The following ARHGAP22 variants were observed in gnomAD, a reference collection of about 807,000 sequenced individuals.
ARHGAP22 encodes rho GTPase-activating protein 22.
Under a neutral mutation model 59.1 loss-of-function variants are expected in ARHGAP22, and 48 were observed. That is an observed-to-expected ratio of 0.81 (90% confidence interval 0.64 to 1.03). The LOEUF (loss-of-function observed/expected upper bound fraction) is 1.03. ARHGAP22 is among the 50% of genes least tolerant of loss of function. The probability of loss-of-function intolerance (pLI) is 0.00; values close to 1 mark genes in which losing one functional copy is unlikely to be tolerated. For synonymous variants in ARHGAP22, 445 were observed against 416.4 expected (o/e 1.07, Z -0.84); for missense variants, 1,015 against 958.7 (o/e 1.06, Z -0.78).
intron 3 of ARHGAP22, among the ~76,000 whole-genome samples, chr10:48,508,716 A>G (rs2052426468): frequency 6.6e-6 from 1 of 152,256 alleles, no homozygotes; most frequent in Non-Finnish European, 1.5e-5. Flanking sequence ...CCAGCCAGGC[A>G]GCTGTGTGAG....
At chr10:48,490,855 C>T (rs1257878929) in intron 3 of ARHGAP22, among the ~76,000 whole-genome samples, 4 of 152,224 alleles carry the variant, frequency 2.6e-5, no homozygotes, top group African/African-American at 7.2e-5. Context: ...GTGAGGGCAA[C>T]TCCATCTTCT....
intron 3 of ARHGAP22, among the ~76,000 whole-genome samples, chr10:48,495,758 G>A (rs1031470171): frequency 3.3e-5 from 5 of 152,234 alleles, no homozygotes; most frequent in African/African-American, 1.2e-4. Flanking sequence ...TCTGAGATTA[G>A]GTCACAAAGA....
At chr10:48,483,789 AAC>A (rs1182484984) in intron 3 of ARHGAP22, among the ~76,000 whole-genome samples, 1 of 152,124 alleles carries the variant, frequency 6.6e-6, no homozygotes, top group Non-Finnish European at 1.5e-5. Context: ...TTGTCAGATG[AAC>A]AGTTTGCAAA....
intron 1 of ARHGAP22, among the ~76,000 whole-genome samples, chr10:48,643,763 AAAT>A (rs1049295813): frequency 4.0e-4 from 56 of 140,776 alleles, no homozygotes; most frequent in African/African-American, 1.4e-3. Context: ...AAAAAAAAAA[AAAT>A]ATATATATAT....
chr10:48,466,294 G>C (rs1248054775), intron 4 of ARHGAP22, among the ~76,000 whole-genome samples: 2 of 151,498 alleles, frequency 1.3e-5, no homozygotes, highest in Non-Finnish European at 2.9e-5. Flanking sequence ...CTAAGTCCTC[G>C]TCTCTACATG....
At chr10:48,533,750 A>C (rs2055086227) in intron 3 of ARHGAP22, among the ~76,000 whole-genome samples, 1 of 152,264 alleles carries the variant, frequency 6.6e-6, no homozygotes, top group Non-Finnish European at 1.5e-5. Flanking sequence ...CTTTATGTAC[A>C]ATAGCAGGTG....
chr10:48,592,202 T>C (rs2059800604), intron 1 of ARHGAP22, among the ~76,000 whole-genome samples: 1 of 152,186 alleles, frequency 6.6e-6, no homozygotes, highest in Non-Finnish European at 1.5e-5. Context: ...CTCTCTCTTT[T>C]AGACAGAGTC....
At chr10:48,523,880 C>T (rs958668960) in intron 3 of ARHGAP22, among the ~76,000 whole-genome samples, 3 of 152,038 alleles carry the variant, frequency 2.0e-5, no homozygotes, top group Admixed American at 6.5e-5. Flanking sequence ...TGAAGGGGAG[C>T]CTCCCCTTCC....
chr10:48,451,297 C>A, intron 8 of ARHGAP22, 157 bp from the exon 9 acceptor site: 1 of 1,010,868 alleles, frequency 9.9e-7, no homozygotes, highest in South Asian at 1.4e-5. Flanking sequence ...GAGGAAAGGA[C>A]CACACACCCT....
At chr10:48,502,590 C>T (rs2051639756) in intron 3 of ARHGAP22, among the ~76,000 whole-genome samples, 1 of 152,162 alleles carries the variant, frequency 6.6e-6, no homozygotes, top group Non-Finnish European at 1.5e-5. Flanking sequence ...CAGGAAGCAC[C>T]ACATTCTTCA....
At chr10:48,474,259 T>C (rs2048495892) in intron 4 of ARHGAP22, among the ~76,000 whole-genome samples, 1 of 152,244 alleles carries the variant, frequency 6.6e-6, no homozygotes, top group Admixed American at 6.5e-5. Context: ...TGTTCATGGC[T>C]ACTGTACACA....
intron 3 of ARHGAP22, among the ~76,000 whole-genome samples, chr10:48,499,010 G>C (rs1246347832): frequency 1.3e-5 from 2 of 152,072 alleles, no homozygotes; most frequent in African/African-American, 2.4e-5. Flanking sequence ...CCTCTCCATG[G>C]AAGGGGCGTG....
rs1022840194 is a variant in ARHGAP22 at position 48,450,748 on chromosome 10, G to A, written c.1381C>T (p.Leu461Phe). 1.9e-6 allele frequency: 3 copies of A among 1,558,610 alleles called. No individual in the cohort carries two copies. Among genetic ancestry groups the A allele is most frequent in the South Asian group, 2.4e-5 (2 of 83,934 alleles). The change falls in exon 9 of 10, where the codon CTT (leucine) becomes TTT (phenylalanine). Residue 461 changes from leucine to phenylalanine, a missense_variant. Leu to Phe is a conservative substitution (Grantham distance 22). Coordinates refer to ENST00000249601, the MANE Select transcript of ARHGAP22 (RefSeq NM_021226.4). The part of the protein sequence containing the change: ...VPIISSGGNW[L>F]MNGLSSLRGH... ...CGCAGGGAGGACAGCCCGTTCATAA[G>A]CCAGTTCCCGCCGGAGGAGATGATG...
Position 48,450,522 on chromosome 10 carries a change from T to G in ARHGAP22, c.1607A>C (p.Asp536Ala). The change falls in exon 9 of 10, where the codon GAC (aspartate) becomes GCC (alanine). Residue 536 changes from aspartate (D) to alanine (A), a missense_variant. Asp to Ala is a moderately radical substitution (Grantham distance 126, BLOSUM62 -2). Coordinates refer to ENST00000249601, the MANE Select transcript of ARHGAP22 (RefSeq NM_021226.4). ...LSSCTACRAS[D>A]SSARSSLHTD... ...GTGCAGGGAACTGCGGGCAGACGAG[T>G]CGCTGGCGCGGCAGGCCGTGCAGCT... 1 of 1,522,214 alleles carries G rather than the reference T, an allele frequency of 6.6e-7. No individual in the cohort carries two copies. The highest frequency in any genetic ancestry group is 8.8e-7 in the Non-Finnish European group (1 of 1,134,890). 94.3% of individuals were successfully genotyped at this position (1,522,214 alleles called of 1,614,324 possible).
At chr10:48,516,066 T>A (rs2053260903) in intron 3 of ARHGAP22, among the ~76,000 whole-genome samples, 1 of 148,410 alleles carries the variant, frequency 6.7e-6, no homozygotes, top group Non-Finnish European at 1.5e-5. Context: ...AGGAAAAATT[T>A]AAAAATCTAT....
At chr10:48,649,344 A>G (rs2062453141) in intron 1 of ARHGAP22, among the ~76,000 whole-genome samples, 1 of 152,152 alleles carries the variant, frequency 6.6e-6, no homozygotes, top group African/African-American at 2.4e-5. Flanking sequence ...GGACAACCAC[A>G]GAGTCAGGGA....
chr10:48,561,928 A>G (rs1481653667), intron 2 of ARHGAP22, among the ~76,000 whole-genome samples: 1 of 152,212 alleles, frequency 6.6e-6, no homozygotes, highest in Non-Finnish European at 1.5e-5. Flanking sequence ...GCAGACTCTT[A>G]AAAGAGTTAA....
intron 4 of ARHGAP22, among the ~76,000 whole-genome samples, chr10:48,463,409 A>G (rs2047345100): frequency 6.6e-6 from 1 of 152,182 alleles, no homozygotes; most frequent in South Asian, 2.1e-4. Flanking sequence ...ACCTCAAATG[A>G]GCAGGCAGAG....
At chr10:48,637,850 C>A (rs190223162) in intron 1 of ARHGAP22, among the ~76,000 whole-genome samples, 1 of 152,214 alleles carries the variant, frequency 6.6e-6, no homozygotes, top group South Asian at 2.1e-4. Flanking sequence ...ATGTCTCCAT[C>A]CTCCTCGCTG....
Sources: gnomAD v4.1 joint callset for allele counts (sites outside exome capture counted in the v4.1 genomes callset) on GRCh38, gnomAD v4.1.1 for gene constraint, MANE v1.5 for transcripts, NCBI Gene and HGNC (gene_info 2026-07-23, HGNC 2026-07-21) for gene names.